RBFOX1: variants seen among roughly 807,000 people sequenced by gnomAD.
The protein encoded by RBFOX1 is RNA binding protein fox-1 homolog 1.
Under a neutral mutation model 57.7 loss-of-function variants are expected in RBFOX1, and 8 were observed. That is an observed-to-expected ratio of 0.14 (90% CI 0.08 to 0.25). The LOEUF (loss-of-function observed/expected upper bound fraction) is 0.25. RBFOX1 is among the 10% of genes least tolerant of loss of function. The pLI is 1.00. For synonymous variants in RBFOX1, 326 were observed against 222.4 expected, an observed-to-expected ratio of 1.47 and a Z score of -4.15; for missense variants, 611 against 548.5, an observed-to-expected ratio of 1.11 and a Z score of -1.14.
At chr16:6,661,419 G>A (rs1038706786) in intron 3 of RBFOX1, among the ~76,000 whole-genome samples, 3 of 152,172 alleles carry the variant, frequency 2.0e-5, no homozygotes, top group African/African-American at 7.2e-5. Flanking sequence ...TTGGCTAAAG[G>A]AGAGACTACA....
At chr16:6,590,949 C>T (rs922238875) in intron 2 of RBFOX1, among the ~76,000 whole-genome samples, 1 of 152,118 alleles carries the variant, frequency 6.6e-6, no homozygotes, top group African/African-American at 2.4e-5. Flanking sequence ...ACTTTGGAGT[C>T]ACACTGCGAG....
intron 1 of RBFOX1, among the ~76,000 whole-genome samples, chr16:6,260,244 A>G (rs982652906): frequency 6.6e-5 from 10 of 152,128 alleles, no homozygotes; most frequent in Non-Finnish European, 1.2e-4. Flanking sequence ...AGAATTAAAC[A>G]CGCTTTTCTT....
intron 6 of RBFOX1, among the ~76,000 whole-genome samples, chr16:7,586,108 G>A (rs767797972): frequency 6.6e-6 from 1 of 152,314 alleles, no homozygotes; most frequent in East Asian, 1.9e-4. Flanking sequence ...TATTTATGTT[G>A]CCCTGTTTAA....
intron 3 of RBFOX1, among the ~76,000 whole-genome samples, chr16:6,910,664 C>T (rs1029889875): frequency 2.6e-5 from 4 of 152,174 alleles, no homozygotes; most frequent in Non-Finnish European, 4.4e-5. Context: ...ACCTGGATTA[C>T]GAGGCTCGTG....
At chr16:5,632,448 G>A (rs887532879) in intron 3 of RBFOX1, 1 of 152,208 alleles carries the variant, frequency 6.6e-6, no homozygotes, top group African/African-American at 2.4e-5. Flanking sequence ...GATGAAAAGT[G>A]CATAGCATAG....
At chr16:5,245,682 T>C (rs1040996109) in intron 1 of RBFOX1, among the ~76,000 whole-genome samples, 1 of 152,174 alleles carries the variant, frequency 6.6e-6, no homozygotes, top group African/African-American at 2.4e-5. Flanking sequence ...TCGGCCCACC[T>C]TGGCCTCCCA....
chr16:7,301,556 A>T (rs1172294436), intron 4 of RBFOX1, among the ~76,000 whole-genome samples: 1 of 152,170 alleles, frequency 6.6e-6, no homozygotes, highest in African/African-American at 2.4e-5. Flanking sequence ...GAAAATCTGT[A>T]TTGCCTTAGT....
intron 3 of RBFOX1, among the ~76,000 whole-genome samples, chr16:5,836,183 A>G (rs1326253731): frequency 6.6e-6 from 1 of 152,318 alleles, no homozygotes; most frequent in Non-Finnish European, 1.5e-5. Flanking sequence ...CAAGGGGGAC[A>G]TGGGCTCTGC....
intron 4 of RBFOX1, among the ~76,000 whole-genome samples, chr16:5,890,878 G>T (rs2058030336): frequency 6.6e-6 from 1 of 152,090 alleles, no homozygotes; most frequent in African/African-American, 2.4e-5. Flanking sequence ...ATGGAATACG[G>T]TCAAACAGAT....
chr16:6,620,817 T>A (rs983930035), intron 2 of RBFOX1, among the ~76,000 whole-genome samples: 1 of 152,234 alleles, frequency 6.6e-6, no homozygotes, highest in African/African-American at 2.4e-5. Flanking sequence ...GAAATTTGTT[T>A]TACTTTCAAG....
chr16:7,572,657 G>C (rs2092908035), intron 5 of RBFOX1, among the ~76,000 whole-genome samples: 1 of 152,080 alleles, frequency 6.6e-6, no homozygotes, highest in African/African-American at 2.4e-5. Flanking sequence ...GGCTAACGCG[G>C]TGAAACCCTG....
intron 14 of RBFOX1, among the ~76,000 whole-genome samples, chr16:7,691,489 A>G (rs1264664036): frequency 6.6e-6 from 1 of 151,798 alleles, no homozygotes; most frequent in Non-Finnish European, 1.5e-5. Flanking sequence ...AAGAGGAAGA[A>G]AGGAGGAAGG....
chr16:6,803,692 CCAGA>C (rs753920730), intron 3 of RBFOX1, among the ~76,000 whole-genome samples: 4 of 152,258 alleles, frequency 2.6e-5, no homozygotes, highest in Non-Finnish European at 5.9e-5. Context: ...AGATATTTTA[CCAGA>C]CAGAGAATAG....
chr16:7,387,964 T>C (rs1163843432), intron 4 of RBFOX1, among the ~76,000 whole-genome samples: 2 of 152,162 alleles, frequency 1.3e-5, no homozygotes, highest in Non-Finnish European at 2.9e-5. Flanking sequence ...CAGAGCTTAA[T>C]GGCTCTCTTG....
chr16:5,441,740 G>A (rs2068090971), intron 1 of RBFOX1, among the ~76,000 whole-genome samples: 1 of 152,136 alleles, frequency 6.6e-6, no homozygotes, highest in Admixed American at 6.5e-5. Context: ...GGCAGAAGGG[G>A]CAGAAAACAT....
At position 5,276,471 on chromosome 16, in the gene RBFOX1, T is replaced by A. The variant is rs149639427; in HGVS notation, c.219+36366T>A. On this transcript the variant is annotated intron_variant, in intron 1 of 2. Transcript: ENST00000585867. ...AGGGAAATGCAAATCAAAACCACAA[T>A]GCAATACCATGTGTAAAATAAAGAA... Among the ~76,000 whole-genome samples the A allele has an allele frequency of 6.6e-3, 997 of 152,134 alleles. 9 individuals carry two copies. The highest frequency in any genetic ancestry group is 0.023 in the African/African-American group (953 of 41,506).
At chr16:6,072,493 T>A (rs1462033807) in intron 1 of RBFOX1, among the ~76,000 whole-genome samples, 1 of 152,200 alleles carries the variant, frequency 6.6e-6, no homozygotes, top group Admixed American at 6.5e-5. Context: ...GATCACCTGG[T>A]AATCACATTT....
At chr16:7,241,937 A>G (rs1184259366) in intron 4 of RBFOX1, among the ~76,000 whole-genome samples, 1 of 152,174 alleles carries the variant, frequency 6.6e-6, no homozygotes, top group African/African-American at 2.4e-5. Context: ...CTAAATATGT[A>G]TATCTGCATA....
At chr16:6,726,262 A>T (rs1389341175) in intron 3 of RBFOX1, among the ~76,000 whole-genome samples, 2 of 152,144 alleles carry the variant, frequency 1.3e-5, no homozygotes, top group South Asian at 4.1e-4. Context: ...TTTTGAATTC[A>T]TTGTGACTCT....
Sources: allele counts gnomAD v4.1 joint callset (sites outside exome capture counted in the v4.1 genomes callset), GRCh38; gene constraint gnomAD v4.1.1; transcripts MANE v1.5; gene names NCBI Gene and HGNC (gene_info 2026-07-23, HGNC 2026-07-21).